Variants in THADA observed in about 807,000 individuals in gnomAD.
THADA encodes the protein THADA armadillo repeat containing.
THADA carries 213 observed loss-of-function variants against 219.8 expected under a neutral mutation model. That is an observed-to-expected ratio of 0.97 (90% CI 0.87 to 1.09). THADA has a LOEUF of 1.09. THADA is among the 50% of genes least tolerant of loss of function. The pLI, the probability that THADA is intolerant of heterozygous loss-of-function variation, is 0.00. For missense variants in THADA, 2,956 were observed against 2,311.3 expected (o/e 1.28, Z -5.72); for synonymous variants, 1,018 against 828.9 (o/e 1.23, Z -3.92).
chr2:43,576,489 T>C (rs186118501), intron 10 of THADA, among the ~76,000 whole-genome samples: 2 of 152,322 alleles, frequency 1.3e-5, no homozygotes, highest in Non-Finnish European at 2.9e-5. Flanking sequence ...TTATCCTATA[T>C]AGTAGCCATT....
chr2:43,332,738 C>T (rs955041343), intron 30 of THADA, among the ~76,000 whole-genome samples: 1 of 152,214 alleles, frequency 6.6e-6, no homozygotes, highest in Non-Finnish European at 1.5e-5. Context: ...AATCTTCCAA[C>T]AGCAACACCC....
At chr2:43,550,635 C>T (rs1696639399) in intron 19 of THADA, among the ~76,000 whole-genome samples, 1 of 152,084 alleles carries the variant, frequency 6.6e-6, no homozygotes, top group African/African-American at 2.4e-5. Flanking sequence ...TTTTTGAGAC[C>T]AACTGATACC....
At chr2:43,471,055 G>A (rs746265708) in intron 26 of THADA, among the ~76,000 whole-genome samples, 2 of 152,112 alleles carry the variant, frequency 1.3e-5, no homozygotes, top group Non-Finnish European at 2.9e-5. Context: ...ACATACAGGT[G>A]TTTTTCTTCA....
chr2:43,584,707 A>G (rs1287403718), intron 7 of THADA, among the ~76,000 whole-genome samples: 1 of 152,256 alleles, frequency 6.6e-6, no homozygotes, highest in African/African-American at 2.4e-5. Context: ...AAAAGTGGAT[A>G]CTAAGCCAGG....
At chr2:43,531,027 A>T (rs183373093) in intron 21 of THADA, among the ~76,000 whole-genome samples, 50 of 152,334 alleles carry the variant, frequency 3.3e-4, no homozygotes, top group Non-Finnish European at 5.6e-4. Context: ...CTGTTAGATA[A>T]CAGTCTTTCT....
chr2:43,507,220 T>G (rs1389910570), intron 23 of THADA, among the ~76,000 whole-genome samples: 1 of 152,204 alleles, frequency 6.6e-6, no homozygotes, highest in South Asian at 2.1e-4. Flanking sequence ...CTAAAATGAC[T>G]TCAGGGAACC....
chr2:43,233,014 G>C (rs1667621092), intron 36 of THADA, 132 bp from the exon 37 acceptor site: 1 of 930,494 alleles, frequency 1.1e-6, no homozygotes, highest in Non-Finnish European at 1.6e-6. Flanking sequence ...GAAGCTGGTA[G>C]GGTGGGCTCA....
In THADA at chr2:43,464,214, A is replaced by G. The variant is rs183572796; in HGVS notation, c.3836+21020T>C. The stretch of plus-strand genomic sequence containing the variant: ...GTCAGCCTATGTTTCTCCAACTTGA[A>G]GAGCAACTTCTATAATAGTAGCTTT... On this transcript the variant is annotated intron_variant, in intron 26 of 37. Transcript: ENST00000405975. 2.2e-3 allele frequency among the ~76,000 whole-genome samples: 339 copies of G among 152,340 alleles called. 2 individuals carry two copies. The highest frequency in any genetic ancestry group is 7.7e-3 in the African/African-American group (320 of 41,580).
At chr2:43,587,811 C>T (rs537786276) in intron 4 of THADA, among the ~76,000 whole-genome samples, 81 of 152,200 alleles carry the variant, frequency 5.3e-4, no homozygotes, top group South Asian at 2.1e-3. Context: ...TCATTCTACC[C>T]CCAGTTCCTA....
At position 43,485,127 on chromosome 2, in the gene THADA, T is replaced by C. The variant is rs191794053; in HGVS notation, c.3836+107A>G. On this transcript the variant is annotated intron_variant, in intron 26 of 37. Coordinates refer to ENST00000405975, the MANE Select transcript of THADA (RefSeq NM_022065.5). ...TCATTACAGTATTTTTATAGTTTTA[T>C]GCTCTAGATGAATCTATAACAGTAG... The C allele has an allele frequency of 4.2e-5, 33 of 778,086 alleles. No homozygotes were observed. In the African/African-American group the frequency reaches 5.1e-4, roughly 12 times the overall value. The allele number at this position is 778,086 out of a possible 1,614,324, so 48.2% of individuals were successfully genotyped here. A position where few individuals can be genotyped will look rare whatever the true frequency, so the allele number is the denominator to read the frequency against.
At chr2:43,393,614 A>G (rs1028885368) in intron 29 of THADA, among the ~76,000 whole-genome samples, 2 of 151,966 alleles carry the variant, frequency 1.3e-5, no homozygotes, top group African/African-American at 2.4e-5. Flanking sequence ...AGGCTAAGGC[A>G]GGAGAATTGC....
Position 43,485,228 on chromosome 2 carries a change from G to T in THADA, c.3836+6C>A. On this transcript the variant is annotated splice_donor_region_variant and intron_variant, in intron 26 of 37. Transcript: ENST00000405975. ...AAAAGTAAAGTTAGCCTTAAATGGA[G>T]CTTACCTATTTGTTTTGGAATGTTC... 1.2e-6 allele frequency: 2 copies of T among 1,603,342 alleles called. No individual in the cohort carries two copies. The highest frequency in any genetic ancestry group is 1.7e-6 in the Non-Finnish European group (2 of 1,171,858).
At chr2:43,254,341 T>A (rs1419361290) in intron 36 of THADA, among the ~76,000 whole-genome samples, 2 of 151,932 alleles carry the variant, frequency 1.3e-5, no homozygotes, top group African/African-American at 4.8e-5. Context: ...AACCAGGTCC[T>A]TGGGACACTG....
chr2:43,571,915 T>C, intron 12 of THADA, 53 bp from the exon 13 acceptor site: 3 of 1,566,850 alleles, frequency 1.9e-6, no homozygotes, highest in Non-Finnish European at 2.6e-6. Flanking sequence ...AAGCAAAGCC[T>C]AAATCACTTG....
chr2:43,247,410 C>T lies in THADA; in HGVS notation c.5297-14528G>A, dbSNP rs1237723875. Among the ~76,000 whole-genome samples the T allele has an allele frequency of 3.3e-5, 5 of 152,248 alleles. No homozygotes were observed. In the East Asian group the frequency reaches 5.8e-4, roughly 18 times the overall value. On this transcript the variant is annotated intron_variant, in intron 36 of 37. Transcript: ENST00000405975. ...CTAAAACTGGGCATGAAAAGTCCTA[C>T]TGACTAAAATTGTTGAATAAAAATA...
At chr2:43,580,337 C>T (rs1700302177) in intron 8 of THADA, among the ~76,000 whole-genome samples, 1 of 151,976 alleles carries the variant, frequency 6.6e-6, no homozygotes, top group South Asian at 2.1e-4. Flanking sequence ...CCACACCCGG[C>T]CGAAGTTACC....
chr2:43,415,512 A>G (rs1049761586), intron 28 of THADA, among the ~76,000 whole-genome samples: 12 of 152,190 alleles, frequency 7.9e-5, no homozygotes, highest in African/African-American at 2.9e-4. Context: ...CTCAGATCTC[A>G]TAACAATGTC....
intron 27 of THADA, 129 bp downstream of exon 27, chr2:43,430,084 G>T: frequency 2.0e-6 from 1 of 495,686 alleles, no homozygotes; most frequent in Non-Finnish European, 3.5e-6. Flanking sequence ...CCTGTCTCAA[G>T]GAAAAAATTT....
chr2:43,577,246 G>T lies in THADA; in HGVS notation c.817-4C>A. 1 of 1,573,466 alleles carries T rather than the reference G, an allele frequency of 6.4e-7. No individual in the cohort carries two copies. The highest frequency in any genetic ancestry group is 8.6e-7 in the Non-Finnish European group (1 of 1,159,090). ...AACGAAGCAGCACACTGCTAATCTG[G>T]AAAAATATAGCAGAGCTAACACACA... On this transcript the variant is annotated splice_polypyrimidine_tract_variant and splice_region_variant and intron_variant, in intron 9 of 37. Coordinates refer to ENST00000405975, the MANE Select transcript of THADA (RefSeq NM_022065.5).
Sources: gnomAD v4.1 joint callset for allele counts (sites outside exome capture counted in the v4.1 genomes callset) on GRCh38, gnomAD v4.1.1 for gene constraint, MANE v1.5 for transcripts, NCBI Gene and HGNC (gene_info 2026-07-23, HGNC 2026-07-21) for gene names.